The following RANBP10 variants were observed in gnomAD, a reference collection of about 807,000 sequenced individuals.
The protein encoded by RANBP10 is RAN binding protein 10, also known as ran-binding protein 10.
A neutral mutation model predicts 72.8 loss-of-function variants in RANBP10; 24 were observed. The ratio of observed to expected loss-of-function variants is 0.33; its 90% CI spans 0.24 to 0.46. The LOEUF is 0.46. Ranked by LOEUF, RANBP10 falls within the 20% of genes least tolerant of loss-of-function variation. RANBP10 has a pLI of 1.00. For synonymous variants in RANBP10, 310 were observed against 322.3 expected (o/e 0.96, Z 0.41); for missense variants, 679 against 817.5 (o/e 0.83, Z 2.07).
At chr16:67,771,950 C>A in intron 3 of RANBP10, 84 bp downstream of exon 3, 1 of 1,506,682 alleles carries the variant, frequency 6.6e-7, no homozygotes, top group South Asian at 1.2e-5. Context: ...CAAAGTCCTC[C>A]CCAGCCTCTC....
chr16:67,790,121 A>G (rs2054996858), intron 2 of RANBP10, among the ~76,000 whole-genome samples: 1 of 151,590 alleles, frequency 6.6e-6, no homozygotes, highest in African/African-American at 2.4e-5. Flanking sequence ...AAGAAGAAGA[A>G]GAAATGAAGT....
intron 2 of RANBP10, among the ~76,000 whole-genome samples, chr16:67,774,110 G>A (rs562174539): frequency 5.3e-5 from 8 of 152,252 alleles, no homozygotes; most frequent in East Asian, 3.9e-4. Flanking sequence ...AGCAGCAAAC[G>A]ACCCCAGCTG....
chr16:67,767,022 C>G (rs1341463395), intron 3 of RANBP10, among the ~76,000 whole-genome samples: 10 of 152,188 alleles, frequency 6.6e-5, no homozygotes, highest in Non-Finnish European at 1.5e-4. Flanking sequence ...ATCCACTGAA[C>G]AGTTAGGCCC....
chr16:67,778,305 C>T (rs1444560132), intron 2 of RANBP10, among the ~76,000 whole-genome samples: 4 of 151,718 alleles, frequency 2.6e-5, no homozygotes, highest in African/African-American at 4.8e-5. Context: ...GCCAAGATCG[C>T]GCCACTGCAC....
In RANBP10 at chr16:67,731,571, A is replaced by G; in HGVS notation, c.790T>C (p.Tyr264His). 6.8e-6 allele frequency: 11 copies of G among 1,613,878 alleles called. No individual in the cohort carries two copies. The highest frequency in any genetic ancestry group is 9.3e-6 in the Non-Finnish European group (11 of 1,179,778). ...QAVLQNMVSS[Y>H]LVHHGYCATA... ...GCACAATACCCATGATGCACGAGGTAAGATGAAACCATGCTAGAAGAAAGG... is the reference window on the plus strand; with the variant it reads ...GCACAATACCCATGATGCACGAGGTGAGATGAAACCATGCTAGAAGAAAGG... The change falls in exon 7 of 14, where the codon TAC becomes CAC. Residue 264 changes from tyrosine to histidine, a missense_variant. Coordinates refer to ENST00000317506, the MANE Select transcript of RANBP10 (RefSeq NM_020850.3).
intron 3 of RANBP10, among the ~76,000 whole-genome samples, chr16:67,771,489 G>A (rs1190587560): frequency 2.0e-5 from 3 of 152,008 alleles, no homozygotes; most frequent in Non-Finnish European, 2.9e-5. Flanking sequence ...GAGACTACAG[G>A]TGTGTGCCAC....
At chr16:67,774,780 A>C (rs558116239) in intron 2 of RANBP10, among the ~76,000 whole-genome samples, 1 of 152,240 alleles carries the variant, frequency 6.6e-6, no homozygotes, top group South Asian at 2.1e-4. Context: ...TCTTTTCCAA[A>C]AGCATGGTGT....
At position 67,778,658 on chromosome 16, in the gene RANBP10, C is replaced by A. The variant is rs540735151; in HGVS notation, c.348-6572G>T. ...TTGAGCCCAGGAGTTTGGGACTAGC[C>A]TGGGCGACACAGCAAAACCCCATCT... is the stretch of plus-strand genomic sequence containing the variant. On this transcript the variant is annotated intron_variant, in intron 2 of 13. Transcript: ENST00000317506. 5.9e-5 allele frequency among the ~76,000 whole-genome samples: 9 copies of A among 152,264 alleles called. No homozygotes were observed. In the South Asian group the frequency reaches 1.5e-3, roughly 25 times the overall value.
intron 2 of RANBP10, among the ~76,000 whole-genome samples, chr16:67,803,603 T>C (rs1180004949): frequency 1.4e-5 from 2 of 146,202 alleles, no homozygotes; most frequent in Non-Finnish European, 3.0e-5. Context: ...TGAGCTGAGA[T>C]TGCGCCATTG....
chr16:67,779,095 A>G (rs1008525076), intron 2 of RANBP10, among the ~76,000 whole-genome samples: 2 of 151,954 alleles, frequency 1.3e-5, no homozygotes, highest in Admixed American at 1.3e-4. Context: ...GTCTCAAAAT[A>G]AAAATAAAAT....
chr16:67,736,354 T>TTTCTCCATG (rs1369863537), intron 5 of RANBP10, among the ~76,000 whole-genome samples: 1 of 152,052 alleles, frequency 6.6e-6, no homozygotes, highest in Non-Finnish European at 1.5e-5. Context: ...AGAGATGGGG[T>TTTCTCCATG]TTCTCCATGT....
chr16:67,787,749 C>T (rs1046317979), intron 2 of RANBP10, among the ~76,000 whole-genome samples: 1 of 152,160 alleles, frequency 6.6e-6, no homozygotes, highest in African/African-American at 2.4e-5. Flanking sequence ...TGCCTGTAAT[C>T]CCAGCACGTT....
intron 2 of RANBP10, among the ~76,000 whole-genome samples, chr16:67,785,110 G>T (rs767132152): frequency 1.3e-5 from 2 of 152,046 alleles, no homozygotes; most frequent in Admixed American, 1.3e-4. Flanking sequence ...TACTCGGGAG[G>T]CTGAGGCAGG....
intron 3 of RANBP10, among the ~76,000 whole-genome samples, chr16:67,768,258 C>T (rs1156738316): frequency 6.6e-6 from 1 of 151,552 alleles, no homozygotes; most frequent in Non-Finnish European, 1.5e-5. Flanking sequence ...TGGTGCCTCA[C>T]GTTGTAATCT....
At chr16:67,785,971 A>T (rs2054910105) in intron 2 of RANBP10, among the ~76,000 whole-genome samples, 1 of 151,446 alleles carries the variant, frequency 6.6e-6, no homozygotes, top group Non-Finnish European at 1.5e-5. Context: ...GCTTGCAGTG[A>T]GCGGAGATCA....
At chr16:67,743,328 C>T (rs2054005126) in intron 4 of RANBP10, among the ~76,000 whole-genome samples, 1 of 152,184 alleles carries the variant, frequency 6.6e-6, no homozygotes, top group Admixed American at 6.5e-5. Context: ...CCTCTCCTCA[C>T]TATACCATTC....
At chr16:67,727,137 TACA>T (rs777064693) in intron 13 of RANBP10, among the ~76,000 whole-genome samples, 187 bp downstream of exon 13, 125 of 152,220 alleles carry the variant, frequency 8.2e-4, no homozygotes, top group Middle Eastern at 6.8e-3. Context: ...CTACTAAAAA[TACA>T]ACAACTAGCC....
intron 4 of RANBP10, among the ~76,000 whole-genome samples, chr16:67,739,498 C>T (rs571464533): frequency 1.6e-4 from 25 of 152,270 alleles, no homozygotes; most frequent in African/African-American, 4.1e-4. Flanking sequence ...CCAGTCCATA[C>T]GCAGTCAGAG....
At chr16:67,737,345 C>A (rs113929595) in intron 5 of RANBP10, among the ~76,000 whole-genome samples, 9 of 151,808 alleles carry the variant, frequency 5.9e-5, no homozygotes, top group Non-Finnish European at 8.8e-5. Context: ...GGACTACAGG[C>A]GCCTGCAACC....
Sources: allele counts gnomAD v4.1 joint callset (sites outside exome capture counted in the v4.1 genomes callset), GRCh38; gene constraint gnomAD v4.1.1; transcripts MANE v1.5; gene names NCBI Gene and HGNC (gene_info 2026-07-23, HGNC 2026-07-21).